The following CMC1 variants were observed in gnomAD, a reference collection of about 807,000 sequenced individuals.
The protein encoded by CMC1 is COX assembly mitochondrial protein homolog.
A neutral mutation model predicts 14.1 loss-of-function variants in CMC1; 14 were observed. The ratio of observed to expected loss-of-function variants is 0.99; its 90% CI spans 0.66 to 1.55. The LOEUF (loss-of-function observed/expected upper bound fraction) is 1.55, where lower values mean the gene tolerates loss of function less well. Among genes scored for constraint, CMC1 ranks in the 40% most tolerant of loss-of-function variants. The pLI is 0.00. For missense variants in CMC1, 127 were observed against 123.8 expected (o/e 1.03, Z -0.12); for synonymous variants, 50 against 38.4 (o/e 1.30, Z -1.12).
chr3:28,309,218 C>T (rs1343170634), intron 2 of CMC1, among the ~76,000 whole-genome samples: 3 of 152,034 alleles, frequency 2.0e-5, no homozygotes, highest in Non-Finnish European at 4.4e-5. Context: ...AAAACAGTAT[C>T]TTCAGAACCT....
In CMC1 at chr3:28,323,863, C is replaced by G. The variant is rs1451444154; in HGVS notation, c.*4234C>G. The stretch of plus-strand genomic sequence containing the variant: ...AATATGGAGCTAGAGGGTGCTCTTT[C>G]ATACTAGAAAACCAACTATGTTGGT... On this transcript the variant is annotated 3_prime_UTR_variant, in exon 4 of 4. Transcript: ENST00000466830. 1 of 579,114 alleles carries G rather than the reference C, an allele frequency of 1.7e-6. No individual in the cohort carries two copies. Among genetic ancestry groups the G allele is most frequent in the Admixed American group, 3.2e-5 (1 of 31,156 alleles). The allele number at this position is 579,114 out of a possible 1,614,324, so 35.9% of individuals were successfully genotyped here. A position where few individuals can be genotyped will look rare whatever the true frequency, so the allele number is the denominator to read the frequency against.
chr3:28,302,473 T>C (rs1702103919), intron 2 of CMC1, among the ~76,000 whole-genome samples: 1 of 152,154 alleles, frequency 6.6e-6, no homozygotes, highest in Non-Finnish European at 1.5e-5. Flanking sequence ...TTCTATGTGA[T>C]CTTTTAAAAA....
chr3:28,319,532 A>G lies in CMC1; in HGVS notation c.224A>G (p.Glu75Gly). The part of the protein sequence containing the change: ...TAYYNDPAFY[E>G]ECKMEYLKER... ...AGCTATAATGATCCAGCCTTTTATG[A>G]AGAATGCAAAATGGAATACCTGAAG... The change falls in exon 4 of 4, where the codon GAA (glutamate) becomes GGA (glycine). Residue 75 changes from glutamate to glycine, a missense_variant. Glu to Gly is a moderately conservative substitution (Grantham distance 98). Transcript: ENST00000466830. 6.2e-7 allele frequency: 1 copy of G among 1,603,268 alleles called. No homozygotes were observed. Among genetic ancestry groups the G allele is most frequent in the South Asian group, 1.1e-5 (1 of 89,838 alleles).
At chr3:28,302,878 A>C (rs1042696178) in intron 2 of CMC1, among the ~76,000 whole-genome samples, 3 of 152,120 alleles carry the variant, frequency 2.0e-5, no homozygotes, top group African/African-American at 7.2e-5. Context: ...TTAAGTCTCT[A>C]TTGCGTGGGC....
intron 2 of CMC1, among the ~76,000 whole-genome samples, chr3:28,279,329 A>T (rs953406662): frequency 1.2e-4 from 18 of 152,188 alleles, no homozygotes; most frequent in African/African-American, 4.3e-4. Flanking sequence ...AAAGTAAATT[A>T]AATTGCCTGC....
intron 2 of CMC1, among the ~76,000 whole-genome samples, chr3:28,293,819 C>T (rs578025843): frequency 1.7e-4 from 26 of 151,904 alleles, no homozygotes; most frequent in African/African-American, 4.4e-4. Context: ...TGAGCTCAAG[C>T]GATCCGACTG....
Position 28,284,728 on chromosome 3 carries a change from T to TTG in CMC1, c.109+21349_109+21350insGT, listed in dbSNP as rs139621171. On this transcript the variant is annotated intron_variant, in intron 2 of 3. Transcript: ENST00000466830. ...TTTTTGGCTGTTTTTGTTGTTAGATTTCTGTGTGTGTGTGTGTGTGTGTGT... is the reference window on the plus strand; with the variant it reads ...TTTTTGGCTGTTTTTGTTGTTAGATTTGTCTGTGTGTGTGTGTGTGTGTGTGT... Among the ~76,000 whole-genome samples, 297 of 150,818 alleles carry TTG rather than the reference T, an allele frequency of 2.0e-3. 1 individual carries two copies. The highest frequency in any genetic ancestry group is 6.8e-3 in the African/African-American group (278 of 40,640).
intron 2 of CMC1, among the ~76,000 whole-genome samples, chr3:28,279,774 C>T (rs1309233756): frequency 6.6e-6 from 1 of 151,648 alleles, no homozygotes; most frequent in Non-Finnish European, 1.5e-5. Context: ...AAAAAATGAG[C>T]AAAACCCTTA....
intron 2 of CMC1, among the ~76,000 whole-genome samples, chr3:28,285,179 C>T (rs990708220): frequency 1.8e-4 from 27 of 152,072 alleles, no homozygotes; most frequent in African/African-American, 6.5e-4. Flanking sequence ...CTTTAACCAG[C>T]ATGTGTGTGT....
At chr3:28,260,680 CTTAAG>C (rs142587014) in intron 1 of CMC1, among the ~76,000 whole-genome samples, 27,840 of 151,474 alleles carry the variant, frequency 0.18, 3,027 homozygotes, top group Middle Eastern at 0.27. Flanking sequence ...AAGGTAGAAA[CTTAAG>C]TTAATACAAG....
chr3:28,268,470 T>C (rs1700116315), intron 2 of CMC1, among the ~76,000 whole-genome samples: 1 of 152,166 alleles, frequency 6.6e-6, no homozygotes, highest in South Asian at 2.1e-4. Context: ...ATTGAGAATT[T>C]GTTCTCAATA....
At chr3:28,244,033 G>A (rs1576958109) in intron 1 of CMC1, among the ~76,000 whole-genome samples, 3 of 152,288 alleles carry the variant, frequency 2.0e-5, no homozygotes, top group South Asian at 2.1e-4. Flanking sequence ...TAACTTGAAC[G>A]TGGGTCAGAG....
At chr3:28,263,421 A>G (rs767873627) in intron 2 of CMC1, 41 bp downstream of exon 2, 1 of 1,289,614 alleles carries the variant, frequency 7.8e-7, no homozygotes, top group Admixed American at 2.0e-5. Flanking sequence ...ATTTATTTTT[A>G]ATAATATGAT....
At chr3:28,285,922 A>G (rs1414786657) in intron 2 of CMC1, among the ~76,000 whole-genome samples, 2 of 151,554 alleles carry the variant, frequency 1.3e-5, no homozygotes, top group Non-Finnish European at 2.9e-5. Context: ...CTGCCACCAC[A>G]CCCGGCTAAT....
At chr3:28,307,312 C>T (rs1282041118) in intron 2 of CMC1, among the ~76,000 whole-genome samples, 1 of 152,006 alleles carries the variant, frequency 6.6e-6, no homozygotes, top group African/African-American at 2.4e-5. Context: ...TTGTTTGAGG[C>T]TAGGAGTTCA....
rs1203444200 is a variant in CMC1 at position 28,321,307 on chromosome 3, A to G, written c.*1678A>G. 1.3e-5 allele frequency: 2 copies of G among 151,446 alleles called. No homozygotes were observed. The highest frequency in any genetic ancestry group is 4.8e-5 in the African/African-American group (2 of 41,356). 9.4% of individuals were successfully genotyped at this position (151,446 alleles called of 1,614,324 possible). ...TAAATGAAAATGGAAGAGTTACTTT[A>G]AGAAGCTAGTGAAATATACAATCTA... is the stretch of plus-strand genomic sequence containing the variant. On this transcript the variant is annotated 3_prime_UTR_variant, in exon 4 of 4. Coordinates refer to ENST00000466830, the MANE Select transcript of CMC1 (RefSeq NM_182523.2).
chr3:28,265,805 C>T (rs1039247004), intron 2 of CMC1, among the ~76,000 whole-genome samples: 1 of 152,192 alleles, frequency 6.6e-6, no homozygotes, highest in African/African-American at 2.4e-5. Flanking sequence ...TTCCTATTAA[C>T]AAGGAGCATT....
chr3:28,278,419 A>G (rs528364637), intron 2 of CMC1, among the ~76,000 whole-genome samples: 1 of 152,206 alleles, frequency 6.6e-6, no homozygotes, highest in Non-Finnish European at 1.5e-5. Flanking sequence ...AAGGGAAACA[A>G]AGGAGTAGAA....
In CMC1 at chr3:28,274,206, G is replaced by GTTTTTTTTTT. The variant is rs1265139321; in HGVS notation, c.109+10831_109+10832insTTTTTTTTTT. 1.4e-3 allele frequency among the ~76,000 whole-genome samples: 115 copies of GTTTTTTTTTT among 83,026 alleles called. 6 individuals are homozygous for GTTTTTTTTTT. Among genetic ancestry groups the GTTTTTTTTTT allele is most frequent in the Middle Eastern group, 6.3e-3 (1 of 160 alleles). The allele number at this position is 83,026 out of a possible 152,430, so 54.5% of individuals were successfully genotyped here. On this transcript the variant is annotated intron_variant, in intron 2 of 3. Transcript: ENST00000466830. Reference sequence around the variant, plus strand: ...GTGTCATTGGTCTTTGTACTAAAGTGTTTTTGTTTTTTTCTTTTTTTTTTT... The same window carrying GTTTTTTTTTT: ...GTGTCATTGGTCTTTGTACTAAAGTGTTTTTTTTTTTTTTTGTTTTTTTCTTTTTTTTTTT...
Sources: allele counts gnomAD v4.1 joint callset (sites outside exome capture counted in the v4.1 genomes callset), GRCh38; gene constraint gnomAD v4.1.1; transcripts MANE v1.5; gene names NCBI Gene and HGNC (gene_info 2026-07-23, HGNC 2026-07-21).